CD46: variants seen among roughly 807,000 people sequenced by gnomAD.
CD46 encodes the protein membrane cofactor protein.
A neutral mutation model predicts 53.3 loss-of-function variants in CD46; 30 were observed. The observed-to-expected ratio is 0.56, with a 90% CI of 0.42 to 0.76. The LOEUF (loss-of-function observed/expected upper bound fraction) is 0.76. CD46 is among the 30% of genes least tolerant of loss of function. The pLI, the probability that CD46 is intolerant of heterozygous loss-of-function variation, is 0.00. For synonymous variants in CD46, 142 were observed against 152.0 expected (o/e 0.93, Z 0.48); for missense variants, 409 against 463.0 (o/e 0.88, Z 1.07).
At chr1:207,787,637 G>T (rs998908955) in intron 11 of CD46, among the ~76,000 whole-genome samples, 3 of 152,164 alleles carry the variant, frequency 2.0e-5, no homozygotes, top group Non-Finnish European at 4.4e-5. Flanking sequence ...CCAGAAAATG[G>T]TGTGAGAGAC....
At chr1:207,764,298 C>T (rs1279878657) in intron 5 of CD46, among the ~76,000 whole-genome samples, 1 of 152,148 alleles carries the variant, frequency 6.6e-6, no homozygotes, top group Non-Finnish European at 1.5e-5. Context: ...GCCTACGTTG[C>T]TCTGTTAAAT....
chr1:207,785,862 A>G, intron 11 of CD46, 180 bp downstream of exon 11: 2 of 563,554 alleles, frequency 3.5e-6, no homozygotes, highest in East Asian at 3.2e-5. Context: ...GCTACTTCTA[A>G]CATCACTGCA....
At chr1:207,757,324 T>G in intron 2 of CD46, 122 bp downstream of exon 2, 1 of 984,822 alleles carries the variant, frequency 1.0e-6, no homozygotes, top group Non-Finnish European at 1.6e-6. Context: ...AAGATAACAA[T>G]GCATTTTTGC....
At chr1:207,775,386 C>G (rs1657986163) in intron 8 of CD46, among the ~76,000 whole-genome samples, 1 of 152,196 alleles carries the variant, frequency 6.6e-6, no homozygotes, top group South Asian at 2.1e-4. Flanking sequence ...GTTAACTCAT[C>G]AAACTCATTC....
intron 5 of CD46, among the ~76,000 whole-genome samples, chr1:207,762,036 A>G (rs1259734540): frequency 1.1e-4 from 17 of 152,214 alleles, no homozygotes; most frequent in Non-Finnish European, 1.9e-4. Flanking sequence ...AGACAATAAG[A>G]CAACTTTTAA....
chr1:207,764,936 A>G (rs1342202466), intron 5 of CD46, among the ~76,000 whole-genome samples: 2 of 152,238 alleles, frequency 1.3e-5, no homozygotes, highest in African/African-American at 4.8e-5. Context: ...AACACTTCTC[A>G]TCCCATTTTA....
In CD46 at chr1:207,795,240, T is replaced by C. The variant is rs1434321897; in HGVS notation, c.*1763T>C. 1 of 152,162 alleles carries C rather than the reference T, an allele frequency of 6.6e-6. No individual in the cohort carries two copies. Among genetic ancestry groups the C allele is most frequent in the Non-Finnish European group, 1.5e-5 (1 of 68,030 alleles). The allele number at this position is 152,162 out of a possible 1,614,324, so 9.4% of individuals were successfully genotyped here. A position where few individuals can be genotyped will look rare whatever the true frequency, so the allele number is the denominator to read the frequency against. Reference sequence around the variant, plus strand: ...TTGTATAGCAGTTTCTGCTTCACATTTGATTTTTTCAAATTTAATATTTAT... The same window carrying C: ...TTGTATAGCAGTTTCTGCTTCACATCTGATTTTTTCAAATTTAATATTTAT... On this transcript the variant is annotated 3_prime_UTR_variant, in exon 13 of 13. Transcript: ENST00000367042.
chr1:207,788,908 T>G (rs528242156), intron 11 of CD46, among the ~76,000 whole-genome samples: 70 of 152,360 alleles, frequency 4.6e-4, no homozygotes, highest in African/African-American at 1.4e-3. Flanking sequence ...CACTTTTCTG[T>G]TTCATAGCTC....
intron 8 of CD46, among the ~76,000 whole-genome samples, chr1:207,774,505 T>A (rs559522576): frequency 3.3e-5 from 5 of 152,388 alleles, no homozygotes; most frequent in African/African-American, 1.2e-4. Flanking sequence ...TGGTATGTTT[T>A]TGCAGTGGCT....
At chr1:207,788,663 A>G (rs1659509543) in intron 11 of CD46, among the ~76,000 whole-genome samples, 1 of 152,232 alleles carries the variant, frequency 6.6e-6, no homozygotes, top group African/African-American at 2.4e-5. Context: ...GCACTTCTCC[A>G]CTTCCGGGGG....
chr1:207,775,739 G>T (rs370374580), intron 8 of CD46, among the ~76,000 whole-genome samples: 1 of 152,174 alleles, frequency 6.6e-6, no homozygotes, highest in Non-Finnish European at 1.5e-5. Context: ...TGGAAGCTTC[G>T]TCCCAGGTGG....
intron 2 of CD46, 21 bp from the exon 3 acceptor site, chr1:207,757,519 A>G (rs1655694410): frequency 3.4e-6 from 5 of 1,476,506 alleles, no homozygotes; most frequent in Non-Finnish European, 4.7e-6. Flanking sequence ...ATTGAAAACT[A>G]TCAAAATTAT....
At chr1:207,793,443 G>T (rs1014984235) in intron 12 of CD46, 76 bp from the exon 13 acceptor site, 1 of 1,109,056 alleles carries the variant, frequency 9.0e-7, no homozygotes, top group African/African-American at 1.5e-5. Flanking sequence ...TTCATTTTCT[G>T]AATAGGCTTC....
Position 207,757,695 on chromosome 1 carries a change from T to C in CD46, c.389+53T>C, listed in dbSNP as rs576120423. The C allele has an allele frequency of 6.4e-5, 74 of 1,161,382 alleles. No individual in the cohort carries two copies. The South Asian group carries it at 8.3e-4, about 13-fold the overall frequency. The allele number at this position is 1,161,382 out of a possible 1,614,324, so 71.9% of individuals were successfully genotyped here. A position where few individuals can be genotyped will look rare whatever the true frequency, so the allele number is the denominator to read the frequency against. On this transcript the variant is annotated intron_variant, in intron 3 of 12. Transcript: ENST00000367042. ...GAAGTGTTAGTAATTTTATTTTTGT[T>C]TTGCTTCTCTTCTTAAGCATTCCTG...
chr1:207,775,538 G>A (rs1259034275), intron 8 of CD46, among the ~76,000 whole-genome samples: 1 of 152,138 alleles, frequency 6.6e-6, no homozygotes, highest in Non-Finnish European at 1.5e-5. Context: ...CTTTGATGGG[G>A]TTTTGGTGTG....
Position 207,790,247 on chromosome 1 carries a change from G to A in CD46, c.1083-6G>A. ...TTATTCAGCCGTTTTCTCTTCCTCT[G>A]TTCAGCACATACCTAACTGATGAGA... is the stretch of plus-strand genomic sequence containing the variant. On this transcript the variant is annotated splice_polypyrimidine_tract_variant and splice_region_variant and intron_variant, in intron 11 of 12. Transcript: ENST00000367042. 1 of 1,497,056 alleles carries A rather than the reference G, an allele frequency of 6.7e-7. No individual in the cohort carries two copies. 92.7% of individuals were successfully genotyped at this position (1,497,056 alleles called of 1,614,324 possible). A position where few individuals can be genotyped will look rare whatever the true frequency, so the allele number is the denominator to read the frequency against.
rs1376005059 is a variant in CD46, at chr1:207,767,969, T to C, written c.901+146T>C. The C allele has an allele frequency of 2.4e-5, 16 of 674,998 alleles. No individual in the cohort carries two copies. The Admixed American group carries it at 3.8e-4, about 16-fold the overall frequency. The allele number at this position is 674,998 out of a possible 1,614,324, so 41.8% of individuals were successfully genotyped here. A position where few individuals can be genotyped will look rare whatever the true frequency, so the allele number is the denominator to read the frequency against. Reference sequence around the variant, plus strand: ...ATTTGTATAGCCATTTTAGTTGTTATACATAGTGATTCTAAAATTATTTGC... The same window carrying C: ...ATTTGTATAGCCATTTTAGTTGTTACACATAGTGATTCTAAAATTATTTGC... On this transcript the variant is annotated intron_variant, in intron 7 of 12. Coordinates refer to ENST00000367042, the MANE Select transcript of CD46 (RefSeq NM_172351.3).
chr1:207,757,902 G>A (rs41317053), intron 3 of CD46, among the ~76,000 whole-genome samples: 155 of 152,330 alleles, frequency 1.0e-3, no homozygotes, highest in African/African-American at 3.7e-3. Context: ...GTAATCATGA[G>A]AATTTGTCCT....
At position 207,752,823 on chromosome 1, in the gene CD46, G is replaced by C. The variant is rs781593177; in HGVS notation, c.97+514G>C. Among the ~76,000 whole-genome samples, 1 of 152,168 alleles carries C rather than the reference G, an allele frequency of 6.6e-6. No individual in the cohort carries two copies. The highest frequency in any genetic ancestry group is 1.5e-5 in the Non-Finnish European group (1 of 68,034). ...GCTGGGCTGGGCGAGCAGGGGCCTG[G>C]CCAGGTGTTGCTGGGAGCGTGCTGT... On this transcript the variant is annotated intron_variant, in intron 1 of 12. Transcript: ENST00000367042. The surrounding 1 kb of genome is among the most constrained non-coding windows in gnomAD (Gnocchi z 4.1).
Sources: allele counts gnomAD v4.1 joint callset (sites outside exome capture counted in the v4.1 genomes callset), GRCh38; gene constraint gnomAD v4.1.1; non-coding constraint Gnocchi (gnomAD v3.1); transcripts MANE v1.5; gene names NCBI Gene and HGNC (gene_info 2026-07-23, HGNC 2026-07-21).